Variants in OR4N2 observed in about 807,000 individuals in gnomAD.
OR4N2 encodes the protein olfactory receptor 4N2.
For missense variants in OR4N2, 307 were observed against 377.6 expected (o/e 0.81, Z 1.55); for synonymous variants, 141 against 140.4 (o/e 1.00, Z -0.03).
intron 1 of OR4N2, among the ~76,000 whole-genome samples, chr14:19,827,003 T>C (rs531579263): frequency 1.3e-5 from 2 of 152,318 alleles, no homozygotes; most frequent in East Asian, 3.9e-4. Flanking sequence ...TAGGAAAATT[T>C]TGGGGTGGTG....
intron 1 of OR4N2, among the ~76,000 whole-genome samples, chr14:19,817,539 C>CA (rs1879456735): frequency 1.3e-5 from 2 of 152,048 alleles, no homozygotes; most frequent in Non-Finnish European, 2.9e-5. Flanking sequence ...GTGGTGATAC[C>CA]CCTTTATCAT....
At chr14:19,822,806 C>T (rs551022612) in intron 1 of OR4N2, among the ~76,000 whole-genome samples, 4 of 152,242 alleles carry the variant, frequency 2.6e-5, no homozygotes, top group Non-Finnish European at 5.9e-5. Flanking sequence ...ATGTTACCCC[C>T]ATCAGACCCA....
chr14:19,828,451 G>T lies in OR4N2; in HGVS notation c.*79G>T. ...ATTGATTTGTTTATTTCCAAGTACT[G>T]CAATCACTGAGTACCTCCCATTTGT... On this transcript the variant is annotated 3_prime_UTR_variant, in exon 2 of 2. Coordinates refer to ENST00000557677, the MANE Select transcript of OR4N2 (RefSeq NM_001004723.3). The T allele has an allele frequency of 7.6e-7, 1 of 1,311,234 alleles. No homozygotes were observed. Among genetic ancestry groups the T allele is most frequent in the Admixed American group, 2.6e-5 (1 of 38,252 alleles). The allele number at this position is 1,311,234 out of a possible 1,614,324, so 81.2% of individuals were successfully genotyped here. A position where few individuals can be genotyped will look rare whatever the true frequency, so the allele number is the denominator to read the frequency against.
At chr14:19,823,338 T>A (rs1879612830) in intron 1 of OR4N2, among the ~76,000 whole-genome samples, 1 of 152,364 alleles carries the variant, frequency 6.6e-6, no homozygotes, top group South Asian at 2.1e-4. Context: ...CTCATTTTTA[T>A]CAGGTTCACT....
At chr14:19,824,278 A>T (rs995600337) in intron 1 of OR4N2, among the ~76,000 whole-genome samples, 1 of 152,210 alleles carries the variant, frequency 6.6e-6, no homozygotes, top group African/African-American at 2.4e-5. Context: ...CACCATTTAG[A>T]GAAGGTAGAG....
chr14:19,812,179 A>G (rs560226391), intron 1 of OR4N2, among the ~76,000 whole-genome samples: 1 of 152,146 alleles, frequency 6.6e-6, no homozygotes, highest in African/African-American at 2.4e-5. Context: ...AAATGTTATT[A>G]TTCTTCTTCC....
At chr14:19,804,519 T>C (rs1879116631) in intron 1 of OR4N2, among the ~76,000 whole-genome samples, 1 of 152,240 alleles carries the variant, frequency 6.6e-6, no homozygotes, top group Non-Finnish European at 1.5e-5. Context: ...ATGTATTTTA[T>C]TGTATTGATT....
rs368817643 is a variant in OR4N2, at chr14:19,825,807, C to G, written c.-9-1633C>G. On this transcript the variant is annotated intron_variant, in intron 1 of 1. Transcript: ENST00000557677. ...TCTCCTGAGCTCGTGATCCACCCACCTAGGCCTCCCAAAGTGCTGGGATTA... is the reference window on the plus strand; with the variant it reads ...TCTCCTGAGCTCGTGATCCACCCACGTAGGCCTCCCAAAGTGCTGGGATTA... Among the ~76,000 whole-genome samples, 39 of 152,254 alleles carry G rather than the reference C, an allele frequency of 2.6e-4. No homozygotes were observed. In the South Asian group the frequency reaches 7.7e-3, roughly 30 times the overall value.
At chr14:19,822,790 A>G (rs1879598911) in intron 1 of OR4N2, among the ~76,000 whole-genome samples, 1 of 152,246 alleles carries the variant, frequency 6.6e-6, no homozygotes, top group Non-Finnish European at 1.5e-5. Flanking sequence ...ACCTCATTTG[A>G]TCCTCATGTT....
intron 1 of OR4N2, among the ~76,000 whole-genome samples, chr14:19,823,508 CTTG>C: frequency 6.6e-6 from 1 of 152,294 alleles, no homozygotes; most frequent in East Asian, 1.9e-4. Context: ...ATTTCTCACT[CTTG>C]TTGGGAAAGA....
At chr14:19,814,236 TC>T (rs528910391) in intron 1 of OR4N2, among the ~76,000 whole-genome samples, 2 of 152,250 alleles carry the variant, frequency 1.3e-5, no homozygotes, top group South Asian at 4.1e-4. Flanking sequence ...AAAATGTTTT[TC>T]ATCCTTGTTT....
intron 1 of OR4N2, among the ~76,000 whole-genome samples, chr14:19,809,396 A>C (rs951690003): frequency 1.3e-5 from 2 of 152,246 alleles, no homozygotes; most frequent in Non-Finnish European, 2.9e-5. Context: ...ACAGCAAAAG[A>C]AACTATCAAT....
chr14:19,808,702 C>G (rs1320319937), intron 1 of OR4N2, among the ~76,000 whole-genome samples: 1 of 152,138 alleles, frequency 6.6e-6, no homozygotes, highest in Non-Finnish European at 1.5e-5. Context: ...CACCATTCTT[C>G]TCAGAATTAG....
intron 1 of OR4N2, among the ~76,000 whole-genome samples, chr14:19,811,080 A>C (rs926743609): frequency 1.3e-5 from 2 of 152,244 alleles, no homozygotes; most frequent in African/African-American, 4.8e-5. Flanking sequence ...GGTAATGCCA[A>C]TTGTATCTAA....
At chr14:19,822,581 TACTG>T (rs1464122823) in intron 1 of OR4N2, 1 of 152,270 alleles carries the variant, frequency 6.6e-6, no homozygotes, top group Non-Finnish European at 1.5e-5. Flanking sequence ...ATGAAGGCAT[TACTG>T]ACCCTCCACA....
intron 1 of OR4N2, among the ~76,000 whole-genome samples, chr14:19,807,860 T>C (rs1470493014): frequency 4.6e-5 from 7 of 152,102 alleles, no homozygotes; most frequent in Admixed American, 3.3e-4. Flanking sequence ...ATTGAATCCA[T>C]TGGCACATCA....
At chr14:19,808,418 A>G (rs1429377090) in intron 1 of OR4N2, among the ~76,000 whole-genome samples, 3 of 152,224 alleles carry the variant, frequency 2.0e-5, no homozygotes, top group East Asian at 1.9e-4. Flanking sequence ...AAAAATCAGT[A>G]GCATTTCCAT....
chr14:19,821,460 G>C (rs546117485), intron 1 of OR4N2, among the ~76,000 whole-genome samples: 2 of 151,794 alleles, frequency 1.3e-5, no homozygotes, highest in Non-Finnish European at 2.9e-5. Context: ...ATATATATAT[G>C]TATATATGTA....
intron 1 of OR4N2, among the ~76,000 whole-genome samples, chr14:19,826,197 G>T (rs1350485022): frequency 5.9e-5 from 9 of 152,170 alleles, no homozygotes; most frequent in Admixed American, 5.2e-4. Context: ...GCACCTTCTG[G>T]AATGAGTATA....
Sources: gnomAD v4.1 joint callset for allele counts (sites outside exome capture counted in the v4.1 genomes callset) on GRCh38, gnomAD v4.1.1 for gene constraint, MANE v1.5 for transcripts, NCBI Gene and HGNC (gene_info 2026-07-23, HGNC 2026-07-21) for gene names.